Variants in OPCML observed in about 807,000 individuals in gnomAD.
OPCML encodes opioid-binding protein/cell adhesion molecule.
A neutral mutation model predicts 37.8 loss-of-function variants in OPCML; 13 were observed. That is an observed-to-expected ratio of 0.34 (90% confidence interval 0.22 to 0.55). OPCML has a LOEUF of 0.55. OPCML is among the 20% of genes least tolerant of loss of function. The pLI, the probability that OPCML is intolerant of heterozygous loss-of-function variation, is 0.91. For synonymous variants in OPCML, 176 were observed against 168.8 expected, an observed-to-expected ratio of 1.04 and a Z score of -0.33; for missense variants, 341 against 435.6, an observed-to-expected ratio of 0.78 and a Z score of 1.93.
intron 1 of OPCML, among the ~76,000 whole-genome samples, chr11:133,390,166 A>G (rs538639815): frequency 1.3e-5 from 2 of 152,314 alleles, no homozygotes; most frequent in South Asian, 2.1e-4. Context: ...TAACGTTAAG[A>G]GGTAGCTACA....
chr11:133,073,834 CT>C (rs1260852180), intron 1 of OPCML, among the ~76,000 whole-genome samples: 1 of 152,178 alleles, frequency 6.6e-6, no homozygotes, highest in Non-Finnish European at 1.5e-5. Context: ...TGTTAGCTCA[CT>C]GAAAACTCAC....
At chr11:133,518,320 TAA>T (rs1307027682) in intron 1 of OPCML, among the ~76,000 whole-genome samples, 1 of 150,506 alleles carries the variant, frequency 6.6e-6, no homozygotes, top group Non-Finnish European at 1.5e-5. Context: ...GAAGCGTGTA[TAA>T]GTGTGTGTGT....
At chr11:132,535,045 T>C (rs540894665) in intron 3 of OPCML, among the ~76,000 whole-genome samples, 1 of 148,540 alleles carries the variant, frequency 6.7e-6, no homozygotes, top group South Asian at 2.1e-4. Context: ...TTATATGATA[T>C]GTTATATATA....
At chr11:132,544,997 C>T (rs536119598) in intron 3 of OPCML, among the ~76,000 whole-genome samples, 2 of 152,294 alleles carry the variant, frequency 1.3e-5, no homozygotes, top group South Asian at 4.1e-4. Flanking sequence ...TCATACATTC[C>T]AGAGTCTTAA....
chr11:133,432,682 T>G (rs1027783829), intron 1 of OPCML, among the ~76,000 whole-genome samples: 1 of 152,166 alleles, frequency 6.6e-6, no homozygotes, highest in Non-Finnish European at 1.5e-5. Flanking sequence ...TACATGGGAG[T>G]CTCTTTCAGT....
Position 133,091,672 on chromosome 11 carries a change from G to A in OPCML, c.62-148662C>T, listed in dbSNP as rs1948908465. ...TCCCCCTATTTCTTCCTTTTAGAAT[G>A]GGGATGACTATCTTATGACCCTCCC... is the stretch of plus-strand genomic sequence containing the variant. On this transcript the variant is annotated intron_variant, in intron 1 of 7. Transcript: ENST00000524381. Among the ~76,000 whole-genome samples the A allele has an allele frequency of 2.0e-5, 3 of 152,262 alleles. 1 individual carries two copies. Among genetic ancestry groups the A allele is most frequent in the South Asian group, 4.2e-4 (2 of 4,810 alleles).
At chr11:133,051,326 A>T (rs184782873) in intron 1 of OPCML, among the ~76,000 whole-genome samples, 1 of 152,198 alleles carries the variant, frequency 6.6e-6, no homozygotes, top group Non-Finnish European at 1.5e-5. Context: ...GGGAACTGAG[A>T]CACAGATGAT....
intron 1 of OPCML, among the ~76,000 whole-genome samples, chr11:133,400,310 C>T (rs1016515052): frequency 2.0e-5 from 3 of 152,196 alleles, no homozygotes; most frequent in Non-Finnish European, 4.4e-5. Context: ...TCCTGACCAA[C>T]GGGCATCCCC....
intron 2 of OPCML, among the ~76,000 whole-genome samples, chr11:132,909,347 T>C (rs1228034635): frequency 6.6e-6 from 1 of 152,230 alleles, no homozygotes; most frequent in African/African-American, 2.4e-5. Flanking sequence ...GGTCCAAAAA[T>C]AGAAGTGGTG....
chr11:132,975,985 T>G (rs555932949), intron 1 of OPCML, among the ~76,000 whole-genome samples: 1 of 152,306 alleles, frequency 6.6e-6, no homozygotes, highest in South Asian at 2.1e-4. Flanking sequence ...TTAGCCAGGA[T>G]GGTCTCGATC....
chr11:133,107,991 G>T (rs545555495), intron 1 of OPCML, among the ~76,000 whole-genome samples: 1 of 152,094 alleles, frequency 6.6e-6, no homozygotes, highest in African/African-American at 2.4e-5. Context: ...AGTGGCTATT[G>T]GTATGCAGCA....
chr11:132,930,071 A>T (rs1945147266), intron 2 of OPCML, among the ~76,000 whole-genome samples: 1 of 152,166 alleles, frequency 6.6e-6, no homozygotes, highest in African/African-American at 2.4e-5. Flanking sequence ...GAAGCAATAA[A>T]GAAAAAGACG....
At chr11:132,503,855 C>T (rs1483872505) in intron 4 of OPCML, among the ~76,000 whole-genome samples, 1 of 151,608 alleles carries the variant, frequency 6.6e-6, no homozygotes, top group Non-Finnish European at 1.5e-5. Flanking sequence ...GGTTTTCTAC[C>T]TCAATGATCC....
At chr11:133,281,239 AATGT>A (rs1373744703) in intron 1 of OPCML, among the ~76,000 whole-genome samples, 2 of 152,060 alleles carry the variant, frequency 1.3e-5, no homozygotes, top group Admixed American at 1.3e-4. Flanking sequence ...TATGATCCCC[AATGT>A]TGGAGGTGGG....
chr11:133,471,262 G>A (rs974317307), intron 1 of OPCML, among the ~76,000 whole-genome samples: 2 of 152,088 alleles, frequency 1.3e-5, no homozygotes, highest in African/African-American at 2.4e-5. Flanking sequence ...GGAAGATTTT[G>A]GAGAAACAGA....
chr11:132,455,530 G>A (rs990347031), intron 4 of OPCML, among the ~76,000 whole-genome samples: 5 of 152,164 alleles, frequency 3.3e-5, no homozygotes, highest in African/African-American at 1.2e-4. Flanking sequence ...TGCCACTTAG[G>A]AGCATGCTAT....
intron 2 of OPCML, among the ~76,000 whole-genome samples, chr11:132,798,860 G>C (rs1938482143): frequency 6.6e-6 from 1 of 152,104 alleles, no homozygotes; most frequent in Non-Finnish European, 1.5e-5. Context: ...AGAGCTCTTG[G>C]GTAGATTGTC....
In OPCML at chr11:132,437,291, C is replaced by T; in HGVS notation, c.574G>A (p.Glu192Lys). 1 of 1,614,254 alleles carries T rather than the reference C, an allele frequency of 6.2e-7. No homozygotes were observed. Among genetic ancestry groups the T allele is most frequent in the Non-Finnish European group, 8.5e-7 (1 of 1,180,056 alleles). The change falls in exon 5 of 8, where the codon GAG becomes AAG. Residue 192 changes from glutamate to lysine, a missense_variant. Transcript: ENST00000524381. Reference protein sequence around the residue: ...ISDIKRDQSGEYECSALNDVA... With the variant: ...ISDIKRDQSGKYECSALNDVA... ...TCGTTCAACGCGCTGCATTCGTACT[C>T]CCCGGACTGGTCTCGCTTGATGTCA...
intron 2 of OPCML, chr11:132,772,173 G>A (rs1307271981): frequency 1.3e-5 from 2 of 152,174 alleles, no homozygotes; most frequent in African/African-American, 2.4e-5. Flanking sequence ...TCTGCCACCT[G>A]ATCTAGCAAA....
Sources: gnomAD v4.1 joint callset for allele counts (sites outside exome capture counted in the v4.1 genomes callset) on GRCh38, gnomAD v4.1.1 for gene constraint, MANE v1.5 for transcripts, NCBI Gene and HGNC (gene_info 2026-07-23, HGNC 2026-07-21) for gene names.